DCAF13: variants seen among roughly 807,000 people sequenced by gnomAD.
DCAF13 encodes DDB1- and CUL4-associated factor 13.
A neutral mutation model predicts 59.0 loss-of-function variants in DCAF13; 38 were observed. The ratio of observed to expected loss-of-function variants is 0.64; its 90% CI spans 0.50 to 0.84. The LOEUF is 0.84. Ranked by LOEUF, DCAF13 falls within the 40% of genes least tolerant of loss-of-function variation. DCAF13 has a pLI of 0.00. For missense variants in DCAF13, 469 were observed against 558.4 expected (o/e 0.84, Z 1.61); for synonymous variants, 173 against 175.0 (o/e 0.99, Z 0.09).
intron 7 of DCAF13, among the ~76,000 whole-genome samples, chr8:103,434,651 A>G (rs1027237184): frequency 2.6e-5 from 4 of 152,038 alleles, no homozygotes; most frequent in Non-Finnish European, 4.4e-5. Context: ...TCCTCTTCTC[A>G]GACTTCTACT....
intron 6 of DCAF13, among the ~76,000 whole-genome samples, chr8:103,432,062 A>G (rs534120175): frequency 2.6e-5 from 4 of 152,244 alleles, no homozygotes; most frequent in South Asian, 4.1e-4. Flanking sequence ...CTACTAGTCT[A>G]TCAATGTTTC....
chr8:103,420,128 C>CAAA (rs1185906511), intron 1 of DCAF13, 136 bp from the exon 2 acceptor site: 2 of 774,954 alleles, frequency 2.6e-6, no homozygotes, highest in East Asian at 5.5e-5. Context: ...AACAGGTCTT[C>CAAA]TACTTTTGTA....
chr8:103,442,682 T>G, intron 10 of DCAF13, 113 bp from the exon 11 acceptor site: 1 of 617,794 alleles, frequency 1.6e-6, no homozygotes, highest in Non-Finnish European at 2.7e-6. Context: ...CGTGAAAATA[T>G]TTTTTTAAAT....
chr8:103,434,556 CA>C (rs534397544), intron 7 of DCAF13, among the ~76,000 whole-genome samples: 80 of 152,118 alleles, frequency 5.3e-4, no homozygotes, highest in Middle Eastern at 3.4e-3. Flanking sequence ...TGGTGTCTGC[CA>C]GGTTTCTCCA....
At chr8:103,430,416 A>C in intron 5 of DCAF13, 196 bp from the exon 6 acceptor site, 1 of 395,264 alleles carries the variant, frequency 2.5e-6, no homozygotes, top group Non-Finnish European at 4.6e-6. Flanking sequence ...AATAAATAAA[A>C]TACAAGCATG....
At chr8:103,426,742 A>G (rs1425471133) in intron 4 of DCAF13, among the ~76,000 whole-genome samples, 1 of 152,178 alleles carries the variant, frequency 6.6e-6, no homozygotes, top group African/African-American at 2.4e-5. Context: ...CTACCTTTTA[A>G]AAATCACTTT....
At chr8:103,426,442 G>T (rs770179934) in intron 4 of DCAF13, among the ~76,000 whole-genome samples, 9 of 151,664 alleles carry the variant, frequency 5.9e-5, no homozygotes, top group Non-Finnish European at 1.3e-4. Context: ...AAAGATAGAA[G>T]TTCAGAAAAT....
chr8:103,434,354 T>C (rs114231756), intron 7 of DCAF13, among the ~76,000 whole-genome samples: 8 of 152,240 alleles, frequency 5.3e-5, no homozygotes, highest in African/African-American at 1.7e-4. Flanking sequence ...AGGTTTTCCA[T>C]GTACACAAAT....
chr8:103,427,866 A>G (rs1816814638), intron 5 of DCAF13: 1 of 152,442 alleles, frequency 6.6e-6, no homozygotes, highest in Middle Eastern at 3.4e-3. Flanking sequence ...CCTGAAGGCT[A>G]AGCTAGCCCT....
intron 4 of DCAF13, 102 bp from the exon 5 acceptor site, chr8:103,426,995 C>A: frequency 1.1e-6 from 1 of 881,532 alleles, no homozygotes; most frequent in Non-Finnish European, 1.6e-6. Flanking sequence ...GTGAACAGGG[C>A]TTTTCTCTAA....
intron 7 of DCAF13, 21 bp downstream of exon 7, chr8:103,432,762 A>C (rs1816883840): frequency 2.1e-6 from 3 of 1,459,252 alleles, no homozygotes; most frequent in Non-Finnish European, 9.6e-7. Flanking sequence ...CTCTTTTAAA[A>C]ACTTGTGTAT....
chr8:103,421,195 C>A, intron 3 of DCAF13, 113 bp downstream of exon 3: 1 of 761,634 alleles, frequency 1.3e-6, no homozygotes. Flanking sequence ...TTTGGAGTTT[C>A]ACAATGCAAA....
Position 103,430,617 on chromosome 8 carries a change from T to A in DCAF13, c.630T>A (p.Phe210Leu), listed in dbSNP as rs750999874. ...SSVKFNPIETFLLGSCASDRN... is the reference protein window; with the variant it reads ...SSVKFNPIETLLLGSCASDRN... ...ATTGTTATACTTGTTTTTAGACATT[T>A]CTCTTGGGAAGTTGTGCATCTGACA... Residue 210 changes from phenylalanine (F) to leucine (L), a missense_variant, in exon 6 of 11, where the codon TTT becomes TTA. By Grantham distance (22) the Phe-to-Leu change is conservative. Around this residue, in one of 3 missense-constraint regions of DCAF13, gnomAD observed 355 missense variants for 399.1 expected, o/e 0.89. Coordinates refer to ENST00000612750, the MANE Select transcript of DCAF13 (RefSeq NM_015420.7). 6.2e-7 allele frequency: 1 copy of A among 1,610,954 alleles called. No homozygotes were observed.
intron 1 of DCAF13, 23 bp downstream of exon 1, chr8:103,415,539 A>G (rs1816596831): frequency 6.3e-7 from 1 of 1,582,188 alleles, no homozygotes; most frequent in African/African-American, 1.3e-5. Context: ...GGTAGGGAGA[A>G]AGGGACGGTT....
rs759245083 is a variant in DCAF13, at chr8:103,420,958, G to C, written c.271-17G>C. The C allele has an allele frequency of 1.0e-5, 15 of 1,473,908 alleles. No homozygotes were observed. The highest frequency in any genetic ancestry group is 1.4e-5 in the Non-Finnish European group (15 of 1,052,972). 91.3% of individuals were successfully genotyped at this position (1,473,908 alleles called of 1,614,324 possible). A position where few individuals can be genotyped will look rare whatever the true frequency, so the allele number is the denominator to read the frequency against. Reference sequence around the variant, plus strand: ...CATTTATAGTTCACTGAAATTTCCTGGTATGCCTTATCATAGGTTAGAATT... The same window carrying C: ...CATTTATAGTTCACTGAAATTTCCTCGTATGCCTTATCATAGGTTAGAATT... On this transcript the variant is annotated splice_polypyrimidine_tract_variant and intron_variant, in intron 2 of 10. Coordinates refer to ENST00000612750, the MANE Select transcript of DCAF13 (RefSeq NM_015420.7).
rs758697057 is a variant in DCAF13 at position 103,435,610 on chromosome 8, A to C, written c.786-16A>C. On this transcript the variant is annotated splice_polypyrimidine_tract_variant and intron_variant, in intron 7 of 10. Coordinates refer to ENST00000612750, the MANE Select transcript of DCAF13 (RefSeq NM_015420.7). ...TTCTAGAAATATGTGTCAAATATTT[A>C]AAAATTCTTTTACAGCTTATATACT... is the stretch of plus-strand genomic sequence containing the variant. 2 of 1,508,014 alleles carry C rather than the reference A, an allele frequency of 1.3e-6. No individual in the cohort carries two copies. The highest frequency in any genetic ancestry group is 1.3e-5 in the South Asian group (1 of 75,384). 93.4% of individuals were successfully genotyped at this position (1,508,014 alleles called of 1,614,324 possible).
At chr8:103,417,097 C>A (rs1816630986) in intron 1 of DCAF13, among the ~76,000 whole-genome samples, 1 of 152,140 alleles carries the variant, frequency 6.6e-6, no homozygotes, top group African/African-American at 2.4e-5. Context: ...TTGCACAGTA[C>A]CATATTAACT....
chr8:103,428,583 A>T (rs1816823013), intron 5 of DCAF13: 1 of 152,312 alleles, frequency 6.6e-6, no homozygotes, highest in African/African-American at 2.4e-5. Flanking sequence ...TTGGTTGTAG[A>T]AGAGAGAAGT....
Position 103,420,457 on chromosome 8 carries a change from T to C in DCAF13, c.264T>C (p.Asp88=), listed in dbSNP as rs1017947207. The stretch of plus-strand genomic sequence containing the variant: ...CTACTGTCCTTTCTGGGGCGTGTGA[T>C]GGAGAGGCAAGTGTCAATCTAGATG... ...KLATVLSGAC[D]GEVRIWNLTQ... Residue 88 remains aspartate (D), a synonymous_variant, in exon 2 of 11, where the codon GAT becomes GAC. Transcript: ENST00000612750. The C allele has an allele frequency of 6.2e-7, 1 of 1,613,154 alleles. No homozygotes were observed. The highest frequency in any genetic ancestry group is 2.2e-5 in the East Asian group (1 of 44,878).
Sources: gnomAD v4.1 joint callset for allele counts (sites outside exome capture counted in the v4.1 genomes callset) on GRCh38, gnomAD v4.1.1 for gene constraint, gnomAD v4.1.1 regional missense constraint, MANE v1.5 for transcripts, NCBI Gene and HGNC (gene_info 2026-07-23, HGNC 2026-07-21) for gene names.